The following THSD7B variants were observed in gnomAD, a reference collection of about 807,000 sequenced individuals.
The protein encoded by THSD7B is thrombospondin type-1 domain-containing protein 7B.
A neutral mutation model predicts 213.6 loss-of-function variants in THSD7B; 138 were observed. The observed-to-expected ratio is 0.65, with a 90% confidence interval of 0.56 to 0.74. The LOEUF is 0.74. THSD7B is among the 30% of genes least tolerant of loss of function. The probability of loss-of-function intolerance (pLI) is 0.00; values close to 1 mark genes in which losing one functional copy is unlikely to be tolerated. For missense variants in THSD7B, 1,931 were observed against 1,991.5 expected, an observed-to-expected ratio of 0.97 and a Z score of 0.58; for synonymous variants, 742 against 687.0, an observed-to-expected ratio of 1.08 and a Z score of -1.25.
rs571756955 is a variant in THSD7B, at chr2:137,128,355, T to C, written c.1369+13062T>C. On this transcript the variant is annotated intron_variant, in intron 5 of 27. Coordinates refer to ENST00000409968, the MANE Select transcript of THSD7B (RefSeq NM_001316349.2). ...ACTAAGACTTAAAGAAATTGTATTT[T>C]GAGATTGAGAAGAATCGAAGTATCA... 2.6e-4 allele frequency among the ~76,000 whole-genome samples: 39 copies of C among 152,344 alleles called. No homozygotes were observed. In the South Asian group the frequency reaches 2.9e-3, roughly 11 times the overall value.
chr2:137,334,986 T>C (rs1041780376), intron 12 of THSD7B, among the ~76,000 whole-genome samples: 3 of 152,154 alleles, frequency 2.0e-5, no homozygotes, highest in Admixed American at 2.0e-4. Flanking sequence ...TGTCAAGAGG[T>C]GACTTCTGCC....
At chr2:137,555,431 A>C (rs1174324071) in intron 15 of THSD7B, among the ~76,000 whole-genome samples, 5 of 152,248 alleles carry the variant, frequency 3.3e-5, no homozygotes, top group African/African-American at 1.2e-4. Context: ...CCAGGCAAAC[A>C]GGGCCTGGAG....
chr2:136,796,376 G>A (rs1208315303), intron 1 of THSD7B, among the ~76,000 whole-genome samples: 2 of 151,886 alleles, frequency 1.3e-5, no homozygotes, highest in Admixed American at 6.6e-5. Context: ...TTCGTGGGAT[G>A]GTTTGTAAAT....
At position 137,131,531 on chromosome 2, in the gene THSD7B, TA is replaced by T. The variant is rs1307960562; in HGVS notation, c.1369+16240del. On this transcript the variant is annotated intron_variant, in intron 5 of 27. Coordinates refer to ENST00000409968, the MANE Select transcript of THSD7B (RefSeq NM_001316349.2). ...GTTTTAGGTCTAACAGGTAAGTCTT[TA>T]ATCCATCTTGAATTAATTTTTGTAT... Among the ~76,000 whole-genome samples, 4 of 152,364 alleles carry T rather than the reference TA, an allele frequency of 2.6e-5. No homozygotes were observed. The East Asian group carries it at 7.7e-4, about 29-fold the overall frequency.
At chr2:137,019,172 C>T (rs1176600167) in intron 2 of THSD7B, among the ~76,000 whole-genome samples, 2 of 152,152 alleles carry the variant, frequency 1.3e-5, no homozygotes, top group African/African-American at 4.8e-5. Flanking sequence ...AGGGACACCC[C>T]ACTCGCCTCC....
At chr2:136,870,030 C>T (rs1683405302) in intron 1 of THSD7B, among the ~76,000 whole-genome samples, 1 of 150,204 alleles carries the variant, frequency 6.7e-6, no homozygotes, top group East Asian at 2.0e-4. Flanking sequence ...TGAGATCACA[C>T]CACTGCACTC....
At chr2:137,458,051 C>CAA (rs113270186) in intron 15 of THSD7B, among the ~76,000 whole-genome samples, 98 of 151,002 alleles carry the variant, frequency 6.5e-4, no homozygotes, top group African/African-American at 2.2e-3. Context: ...AGGAAAAAAA[C>CAA]AAAAAAAAAG....
At chr2:137,072,021 T>C (rs1383358282) in intron 3 of THSD7B, among the ~76,000 whole-genome samples, 1 of 152,234 alleles carries the variant, frequency 6.6e-6, no homozygotes, top group Non-Finnish European at 1.5e-5. Flanking sequence ...CCTTGTAGTA[T>C]AGTTTGAAGT....
At chr2:136,808,425 T>G (rs1682323330) in intron 1 of THSD7B, among the ~76,000 whole-genome samples, 2 of 152,250 alleles carry the variant, frequency 1.3e-5, no homozygotes, top group Admixed American at 1.3e-4. Flanking sequence ...CATGGCTTTC[T>G]GGTATCACCT....
At chr2:137,669,149 A>T (rs970164425) in intron 27 of THSD7B, among the ~76,000 whole-genome samples, 4 of 152,154 alleles carry the variant, frequency 2.6e-5, no homozygotes, top group African/African-American at 7.2e-5. Flanking sequence ...TATATTCATC[A>T]TCTGTCCCAG....
At chr2:136,781,924 GA>G (rs1169990000) in intron 1 of THSD7B, among the ~76,000 whole-genome samples, 19 of 152,018 alleles carry the variant, frequency 1.2e-4, no homozygotes, top group Admixed American at 1.2e-3. Flanking sequence ...ATACATTTTT[GA>G]AAATCATCAT....
chr2:137,585,544 G>T (rs1238077926), intron 17 of THSD7B, among the ~76,000 whole-genome samples: 1 of 151,922 alleles, frequency 6.6e-6, no homozygotes, highest in East Asian at 1.9e-4. Context: ...TTGTGTCTTT[G>T]TTCTCGTTGG....
chr2:137,442,648 G>T (rs933929168), intron 14 of THSD7B, among the ~76,000 whole-genome samples: 4 of 151,982 alleles, frequency 2.6e-5, no homozygotes, highest in Admixed American at 2.6e-4. Flanking sequence ...CCACCTAGAG[G>T]CTTCACACTA....
chr2:136,948,713 T>A (rs1684985551), intron 2 of THSD7B, among the ~76,000 whole-genome samples: 1 of 152,214 alleles, frequency 6.6e-6, no homozygotes, highest in South Asian at 2.1e-4. Flanking sequence ...GAGCACTTAC[T>A]CTATGTCATG....
At chr2:137,132,674 A>G (rs1313164384) in intron 5 of THSD7B, among the ~76,000 whole-genome samples, 1 of 152,170 alleles carries the variant, frequency 6.6e-6, no homozygotes. Context: ...ACAATTGGAA[A>G]GGAATTCGAT....
chr2:137,005,437 G>A (rs1261527160), intron 2 of THSD7B, among the ~76,000 whole-genome samples: 1 of 152,172 alleles, frequency 6.6e-6, no homozygotes, highest in Non-Finnish European at 1.5e-5. Context: ...CCTTTACTTT[G>A]TTTGACTGGC....
intron 10 of THSD7B, among the ~76,000 whole-genome samples, chr2:137,272,301 G>T (rs1296146697): frequency 1.3e-5 from 2 of 152,024 alleles, no homozygotes; most frequent in Non-Finnish European, 2.9e-5. Flanking sequence ...AACATATTAA[G>T]ACAGCGGGAA....
At chr2:137,582,839 C>A (rs1681612142) in intron 17 of THSD7B, among the ~76,000 whole-genome samples, 1 of 152,122 alleles carries the variant, frequency 6.6e-6, no homozygotes, top group Non-Finnish European at 1.5e-5. Context: ...ATTTATAATC[C>A]TTTGGGTGTA....
At chr2:137,502,508 A>C (rs890947056) in intron 15 of THSD7B, among the ~76,000 whole-genome samples, 1 of 152,176 alleles carries the variant, frequency 6.6e-6, no homozygotes, top group African/African-American at 2.4e-5. Context: ...GGTGAAATGA[A>C]TACAACCTAG....
Sources: allele counts gnomAD v4.1 joint callset (sites outside exome capture counted in the v4.1 genomes callset), GRCh38; gene constraint gnomAD v4.1.1; transcripts MANE v1.5; gene names NCBI Gene and HGNC (gene_info 2026-07-23, HGNC 2026-07-21).